Variants in ZNF680 observed in about 807,000 individuals in gnomAD.
ZNF680 encodes zinc finger protein 680.
A neutral mutation model predicts 12.1 loss-of-function variants in ZNF680; 6 were observed. That is an observed-to-expected ratio of 0.49 (90% CI 0.27 to 0.98). The LOEUF (loss-of-function observed/expected upper bound fraction) is 0.98. ZNF680 is among the 50% of genes least tolerant of loss of function. ZNF680 has a pLI of 0.12. For synonymous variants in ZNF680, 170 were observed against 199.3 expected (o/e 0.85, Z 1.24); for missense variants, 561 against 616.3 (o/e 0.91, Z 0.95).
At chr7:64,562,803 G>A in intron 1 of ZNF680, 122 bp downstream of exon 1, 1 of 1,142,708 alleles carries the variant, frequency 8.8e-7, no homozygotes, top group Non-Finnish European at 1.3e-6. Flanking sequence ...GCTGCGCCAA[G>A]GACAACTCGG....
intron 1 of ZNF680, among the ~76,000 whole-genome samples, chr7:64,556,596 G>T (rs1008484858): frequency 7.3e-5 from 11 of 150,274 alleles, no homozygotes; most frequent in African/African-American, 2.7e-4. Flanking sequence ...GACTGAAACT[G>T]GATGCTTTCC....
At chr7:64,511,054 G>A in the ZNF680 span, among the ~76,000 whole-genome samples, 3 of 151,326 alleles carry the variant, frequency 2.0e-5, no homozygotes, top group South Asian at 4.2e-4. Context: ...GGTGGATCAC[G>A]AGGTCAGGAG....
At chr7:64,515,046 A>T (rs889869441), downstream of ZNF680, among the ~76,000 whole-genome samples, 26 of 40,214 alleles carry the variant, frequency 6.5e-4, no homozygotes, top group African/African-American at 3.9e-3. Flanking sequence ...TCTGTCACAC[A>T]CACACACACA....
chr7:64,549,647 G>A (rs958439659), intron 1 of ZNF680, among the ~76,000 whole-genome samples: 9 of 151,364 alleles, frequency 5.9e-5, no homozygotes, highest in Non-Finnish European at 7.4e-5. Flanking sequence ...TATAGAGGAT[G>A]CTCTAGCACA....
the ZNF680 span, among the ~76,000 whole-genome samples, chr7:64,506,575 A>G: frequency 1.3e-5 from 2 of 152,302 alleles, no homozygotes; most frequent in Admixed American, 6.5e-5. Context: ...ATTCACAACA[A>G]ATATTAACTA....
chr7:64,501,425 A>G, the ZNF680 span: 5 of 1,058,600 alleles, frequency 4.7e-6, no homozygotes, highest in Non-Finnish European at 7.3e-6. Flanking sequence ...GAACTGACCC[A>G]GATAAAACAA....
chr7:64,554,464 T>C (rs1423646767), intron 1 of ZNF680, among the ~76,000 whole-genome samples: 1 of 152,016 alleles, frequency 6.6e-6, no homozygotes, highest in East Asian at 1.9e-4. Context: ...GGGGGGCGCC[T>C]CTGACCGGCT....
Sources: gnomAD v4.1 joint callset for allele counts (sites outside exome capture counted in the v4.1 genomes callset) on GRCh38, gnomAD v4.1.1 for gene constraint, MANE v1.5 for transcripts, NCBI Gene and HGNC (gene_info 2026-07-23, HGNC 2026-07-21) for gene names.